The following RGS5 variants were observed in gnomAD, a reference collection of about 807,000 sequenced individuals.
RGS5 encodes the protein regulator of G protein signaling 5.
In RGS5, 20 loss-of-function variants were observed where a neutral mutation model predicts 18.9. The ratio of observed to expected loss-of-function variants is 1.06; its 90% confidence interval spans 0.74 to 1.54. RGS5 has a LOEUF of 1.54. Among genes scored for constraint, RGS5 ranks in the 40% most tolerant of loss-of-function variants. The pLI, the probability that RGS5 is intolerant of heterozygous loss-of-function variation, is 0.00. For synonymous variants in RGS5, 57 were observed against 76.2 expected (o/e 0.75, Z 1.31); for missense variants, 201 against 211.8 (o/e 0.95, Z 0.32).
intron 3 of RGS5, 99 bp downstream of exon 3, chr1:163,161,816 G>A (rs1254986373): frequency 5.0e-5 from 44 of 888,228 alleles, no homozygotes; most frequent in Non-Finnish European, 1.1e-5. Flanking sequence ...TTGAAGAAAT[G>A]TCAACATTGG....
chr1:163,240,098 A>T (rs915708628), intron 2 of RGS5, among the ~76,000 whole-genome samples: 1 of 152,114 alleles, frequency 6.6e-6, no homozygotes, highest in Non-Finnish European at 1.5e-5. Flanking sequence ...CCTATGCCTC[A>T]GCAATTCCAC....
chr1:163,172,097 A>G (rs1285761636), intron 1 of RGS5, among the ~76,000 whole-genome samples: 1 of 152,200 alleles, frequency 6.6e-6, no homozygotes, highest in Admixed American at 6.5e-5. Flanking sequence ...TTGTACTGCA[A>G]GAGGGTGAAA....
chr1:163,243,160 A>G (rs1289659314), intron 2 of RGS5, among the ~76,000 whole-genome samples: 2 of 152,140 alleles, frequency 1.3e-5, no homozygotes, highest in Non-Finnish European at 2.9e-5. Context: ...ATGAAGCTGG[A>G]AACCATCATC....
chr1:163,180,734 G>T (rs1202311567), intron 1 of RGS5, among the ~76,000 whole-genome samples: 1 of 99,438 alleles, frequency 1.0e-5, no homozygotes, highest in Non-Finnish European at 1.8e-5. Context: ...TCGCTCTGTT[G>T]CCCAGGCTGG....
At chr1:163,217,697 A>G, upstream of RGS5, 1 of 1,409,246 alleles carries the variant, frequency 7.1e-7, no homozygotes, top group Non-Finnish European at 9.3e-7. Flanking sequence ...AAGAGCAGAG[A>G]ACTTGGAACC....
chr1:163,293,166 T>C (rs1460799103), intron 2 of RGS5, among the ~76,000 whole-genome samples: 1 of 152,236 alleles, frequency 6.6e-6, no homozygotes, highest in Non-Finnish European at 1.5e-5. Flanking sequence ...ATTTAAGTCT[T>C]TAATCCATCT....
intron 1 of RGS5, among the ~76,000 whole-genome samples, chr1:163,176,290 A>G (rs1419422600): frequency 6.6e-6 from 1 of 152,208 alleles, no homozygotes; most frequent in Non-Finnish European, 1.5e-5. Flanking sequence ...TTGTTTAAAT[A>G]AGCTGACTTA....
At chr1:163,285,612 C>T (rs1649123103) in intron 2 of RGS5, among the ~76,000 whole-genome samples, 1 of 152,046 alleles carries the variant, frequency 6.6e-6, no homozygotes, top group Non-Finnish European at 1.5e-5. Context: ...CATGGTTCAG[C>T]TCTGTGTCCC....
At chr1:163,266,041 A>T (rs976076359) in intron 2 of RGS5, among the ~76,000 whole-genome samples, 1 of 152,118 alleles carries the variant, frequency 6.6e-6, no homozygotes, top group African/African-American at 2.4e-5. Flanking sequence ...CTCCAGGTGG[A>T]GGCTGCAACA....
chr1:163,180,338 T>G (rs1471351592), intron 1 of RGS5, among the ~76,000 whole-genome samples: 1 of 152,120 alleles, frequency 6.6e-6, no homozygotes, highest in Non-Finnish European at 1.5e-5. Flanking sequence ...CTTCTCCAGG[T>G]CTGAATTACT....
At chr1:163,301,277 T>G (rs897655548) in intron 2 of RGS5, among the ~76,000 whole-genome samples, 2 of 151,842 alleles carry the variant, frequency 1.3e-5, no homozygotes, top group African/African-American at 4.8e-5. Flanking sequence ...CAAACTGAGA[T>G]AGAGGAAAAA....
At chr1:163,309,060 G>T (rs1053862200) in intron 1 of RGS5, among the ~76,000 whole-genome samples, 3 of 136,284 alleles carry the variant, frequency 2.2e-5, no homozygotes, top group African/African-American at 7.6e-5. Context: ...TCAGGGTGAT[G>T]ACTGATAGGC....
At chr1:163,194,815 A>G (rs1388946752) in intron 1 of RGS5, among the ~76,000 whole-genome samples, 1 of 152,200 alleles carries the variant, frequency 6.6e-6, no homozygotes, top group Non-Finnish European at 1.5e-5. Context: ...TATTCAATGA[A>G]TTATAGAATT....
chr1:163,253,639 TA>T (rs1648180137), intron 2 of RGS5, among the ~76,000 whole-genome samples: 1 of 151,240 alleles, frequency 6.6e-6, no homozygotes. Context: ...TTTATTTATT[TA>T]TTTATTTTTT....
At chr1:163,258,907 G>A (rs1240522206) in intron 2 of RGS5, among the ~76,000 whole-genome samples, 1 of 151,958 alleles carries the variant, frequency 6.6e-6, no homozygotes, top group Admixed American at 6.6e-5. Flanking sequence ...GAATTCCTAA[G>A]CTCTTGTGAT....
At chr1:163,272,118 G>C (rs61812169) in intron 2 of RGS5, among the ~76,000 whole-genome samples, 16,887 of 151,148 alleles carry the variant, frequency 0.11, 1,259 homozygotes, top group South Asian at 0.21. Context: ...TATTATTATA[G>C]ACATTCTTGT....
chr1:163,258,006 G>A (rs1648323676), intron 2 of RGS5, among the ~76,000 whole-genome samples: 1 of 152,142 alleles, frequency 6.6e-6, no homozygotes, highest in Non-Finnish European at 1.5e-5. Flanking sequence ...GCTCAGGATT[G>A]CTGGGCCCCA....
intron 2 of RGS5, among the ~76,000 whole-genome samples, chr1:163,276,591 A>G (rs1363104106): frequency 6.6e-6 from 1 of 152,130 alleles, no homozygotes; most frequent in Admixed American, 6.5e-5. Context: ...GTTGGTTTTT[A>G]TATTACTTAA....
At position 163,310,742 on chromosome 1, in the gene RGS5, C is replaced by G. The variant is rs929779740; in HGVS notation, c.-377-4413G>C. 2.9e-4 allele frequency among the ~76,000 whole-genome samples: 44 copies of G among 152,124 alleles called. 1 individual carries two copies. Among genetic ancestry groups the G allele is most frequent in the Non-Finnish European group, 2.9e-5 (2 of 68,022 alleles). The stretch of plus-strand genomic sequence containing the variant: ...TTAGCACTTGCTGCTTCACTCTACA[C>G]TTTGTATTAGTCCATTTTCATACTC... On this transcript the variant is annotated intron_variant, in intron 1 of 5. Coordinates refer to the RGS5 transcript ENST00000618415.
Sources: gnomAD v4.1 joint callset for allele counts (sites outside exome capture counted in the v4.1 genomes callset) on GRCh38, gnomAD v4.1.1 for gene constraint, MANE v1.5 for transcripts, NCBI Gene and HGNC (gene_info 2026-07-23, HGNC 2026-07-21) for gene names.